The following NALCN variants were observed in gnomAD, a reference collection of about 807,000 sequenced individuals.
The protein encoded by NALCN is sodium leak channel, non-selective.
NALCN carries 111 observed loss-of-function variants against 225.3 expected under a neutral mutation model. That is an observed-to-expected ratio of 0.49 (90% CI 0.42 to 0.58). The LOEUF is 0.58. NALCN is among the 20% of genes least tolerant of loss of function. The pLI is 0.00. For missense variants in NALCN, 1,378 were observed against 2,202.4 expected (o/e 0.63, Z 7.49); for synonymous variants, 764 against 769.0 (o/e 0.99, Z 0.11).
chr13:101,149,117 C>T (rs923868247), intron 15 of NALCN, among the ~76,000 whole-genome samples: 24 of 152,198 alleles, frequency 1.6e-4, no homozygotes, highest in African/African-American at 4.8e-4. Context: ...CACGGTGAAA[C>T]CCCGTCTCTG....
At chr13:101,329,524 T>G (rs1187503435) in intron 7 of NALCN, among the ~76,000 whole-genome samples, 2 of 152,150 alleles carry the variant, frequency 1.3e-5, no homozygotes, top group African/African-American at 4.8e-5. Flanking sequence ...GCACAGAGGT[T>G]GGCATAACTA....
At chr13:101,366,948 C>T (rs1258893560) in intron 6 of NALCN, among the ~76,000 whole-genome samples, 14 of 151,232 alleles carry the variant, frequency 9.3e-5, no homozygotes, top group Non-Finnish European at 5.9e-5. Flanking sequence ...TCCTTCTCAC[C>T]GCAGCCCCTG....
chr13:101,239,888 A>C (rs935895954), intron 11 of NALCN, among the ~76,000 whole-genome samples: 9 of 152,086 alleles, frequency 5.9e-5, no homozygotes, highest in Non-Finnish European at 2.9e-5. Context: ...TCTCAAATCC[A>C]TGCCAGTATC....
chr13:101,225,657 T>C (rs2041113851), intron 13 of NALCN, among the ~76,000 whole-genome samples: 1 of 151,876 alleles, frequency 6.6e-6, no homozygotes, highest in Admixed American at 6.6e-5. Context: ...AAAAAGGGGG[T>C]CTCTGCCTCT....
chr13:101,397,190 C>G (rs186950799), intron 2 of NALCN, among the ~76,000 whole-genome samples: 1 of 146,640 alleles, frequency 6.8e-6, no homozygotes, highest in African/African-American at 2.5e-5. Flanking sequence ...CATGTAAATA[C>G]ACATACATGT....
intron 18 of NALCN, chr13:101,116,724 C>T (rs1446461434): frequency 2.2e-5 from 8 of 368,536 alleles, no homozygotes; most frequent in South Asian, 6.3e-5. Flanking sequence ...CTTTGCAGAG[C>T]ATTACATTTG....
At chr13:101,066,091 C>T (rs372845301) in intron 39 of NALCN, among the ~76,000 whole-genome samples, 7 of 152,132 alleles carry the variant, frequency 4.6e-5, no homozygotes, top group South Asian at 4.2e-4. Flanking sequence ...TTTGGGAGGC[C>T]GAGGCGGGTG....
At chr13:101,194,976 C>G (rs1210134502) in intron 13 of NALCN, among the ~76,000 whole-genome samples, 1 of 152,080 alleles carries the variant, frequency 6.6e-6, no homozygotes, top group Non-Finnish European at 1.5e-5. Flanking sequence ...TGCACTCCAG[C>G]CTGGACAACA....
At chr13:101,384,498 T>C (rs1272288827) in intron 3 of NALCN, among the ~76,000 whole-genome samples, 1 of 152,186 alleles carries the variant, frequency 6.6e-6, no homozygotes, top group Admixed American at 6.5e-5. Context: ...GACAAAATGA[T>C]ATGCACTGGT....
chr13:101,408,537 C>T (rs2047687189), intron 1 of NALCN, among the ~76,000 whole-genome samples: 1 of 152,192 alleles, frequency 6.6e-6, no homozygotes, highest in South Asian at 2.1e-4. Context: ...ATGCGTGTCT[C>T]CACAACAGAA....
At chr13:101,127,377 G>C (rs149837461) in intron 17 of NALCN, among the ~76,000 whole-genome samples, 17 of 152,170 alleles carry the variant, frequency 1.1e-4, no homozygotes, top group African/African-American at 4.1e-4. Flanking sequence ...TTTGTTTTTT[G>C]AGAAAGAGTC....
intron 7 of NALCN, among the ~76,000 whole-genome samples, chr13:101,321,075 A>G (rs1403779238): frequency 7.9e-6 from 1 of 126,270 alleles, no homozygotes; most frequent in Non-Finnish European, 1.8e-5. Flanking sequence ...GTGAAATTCC[A>G]CATTTTTCTT....
At chr13:101,224,041 C>A (rs2041045334) in intron 13 of NALCN, among the ~76,000 whole-genome samples, 1 of 152,114 alleles carries the variant, frequency 6.6e-6, no homozygotes, top group African/African-American at 2.4e-5. Flanking sequence ...TTACTACACC[C>A]ATGGCAGCAA....
chr13:101,370,300 T>A (rs532283657), intron 6 of NALCN, among the ~76,000 whole-genome samples: 3 of 152,284 alleles, frequency 2.0e-5, no homozygotes, highest in African/African-American at 7.2e-5. Context: ...ATAGATAGCA[T>A]TAAAAACTCC....
rs934235360 is a variant in NALCN, at chr13:101,250,656, A to T, written c.1266+7787T>A. The stretch of plus-strand genomic sequence containing the variant: ...AAACTCTAGCCTTTACTATAAGAGA[A>T]TGTCTTTAATGACTCTGGTATAGAT... On this transcript the variant is annotated intron_variant, in intron 11 of 43. Transcript: ENST00000251127. Among the ~76,000 whole-genome samples, 10 of 152,160 alleles carry T rather than the reference A, an allele frequency of 6.6e-5. No individual in the cohort carries two copies. In the East Asian group the frequency reaches 1.9e-3, roughly 29 times the overall value.
chr13:101,179,206 C>T (rs1434833389), intron 14 of NALCN, among the ~76,000 whole-genome samples: 2 of 152,194 alleles, frequency 1.3e-5, no homozygotes, highest in African/African-American at 4.8e-5. Flanking sequence ...AGGTAGCAAA[C>T]AGGCTGTGCC....
intron 7 of NALCN, among the ~76,000 whole-genome samples, chr13:101,299,425 TTTTTG>T (rs1203973763): frequency 6.6e-6 from 1 of 150,580 alleles, no homozygotes; most frequent in African/African-American, 2.5e-5. Context: ...CACAGGGTTT[TTTTTG>T]TTTGTTTGTT....
chr13:101,139,532 T>C (rs984573072), intron 17 of NALCN, among the ~76,000 whole-genome samples: 7 of 152,160 alleles, frequency 4.6e-5, no homozygotes, highest in African/African-American at 1.7e-4. Flanking sequence ...CAGCCTCTAA[T>C]GTCCTTTTTC....
chr13:101,284,425 T>A (rs1163156146), intron 9 of NALCN, among the ~76,000 whole-genome samples: 35 of 152,234 alleles, frequency 2.3e-4, no homozygotes, highest in Non-Finnish European at 4.4e-5. Context: ...TGCAAATTTT[T>A]ATTTTTATTT....
Sources: gnomAD v4.1 joint callset for allele counts (sites outside exome capture counted in the v4.1 genomes callset) on GRCh38, gnomAD v4.1.1 for gene constraint, MANE v1.5 for transcripts, NCBI Gene and HGNC (gene_info 2026-07-23, HGNC 2026-07-21) for gene names.